GRM8: variants seen among roughly 807,000 people sequenced by gnomAD.
GRM8 encodes glutamate metabotropic receptor 8.
Under a neutral mutation model 87.2 loss-of-function variants are expected in GRM8, and 47 were observed. That is an observed-to-expected ratio of 0.54 (90% CI 0.43 to 0.69). GRM8 has a LOEUF of 0.69. GRM8 is among the 30% of genes least tolerant of loss of function. GRM8 has a pLI of 0.00. For synonymous variants in GRM8, 396 were observed against 404.5 expected (o/e 0.98, Z 0.25); for missense variants, 1,019 against 1,139.2 (o/e 0.89, Z 1.52).
intron 6 of GRM8, chr7:126,869,933 T>TAAAAAAAAAAA (rs71177572): frequency 1.6e-4 from 12 of 77,258 alleles, no homozygotes; most frequent in East Asian, 1.2e-3. Context: ...CCTCATAGAT[T>TAAAAAAAAAAA]AAAAAAAAAA....
chr7:126,609,289 G>T, intron 8 of GRM8, 73 bp downstream of exon 8: 2 of 1,147,202 alleles, frequency 1.7e-6, no homozygotes, highest in Non-Finnish European at 1.2e-6. Flanking sequence ...TCTAGCAAAA[G>T]TTATACACTT....
chr7:126,978,163 G>A (rs1040088941), intron 3 of GRM8, among the ~76,000 whole-genome samples: 14 of 151,892 alleles, frequency 9.2e-5, no homozygotes, highest in Non-Finnish European at 1.6e-4. Context: ...TATTATAGGA[G>A]GGGAGAGGAG....
At chr7:126,535,440 G>A (rs1005893552) in intron 8 of GRM8, among the ~76,000 whole-genome samples, 1 of 152,162 alleles carries the variant, frequency 6.6e-6, no homozygotes. Flanking sequence ...CAAGCTGATG[G>A]TGGTTAGAAG....
intron 7 of GRM8, among the ~76,000 whole-genome samples, chr7:126,669,418 G>GT (rs1806148994): frequency 6.6e-6 from 1 of 151,998 alleles, no homozygotes; most frequent in East Asian, 1.9e-4. Flanking sequence ...TGGATCTGAT[G>GT]TTTTTAAAGG....
intron 6 of GRM8, among the ~76,000 whole-genome samples, chr7:126,804,665 C>CA (rs1200486009): frequency 2.0e-5 from 3 of 152,320 alleles, no homozygotes; most frequent in Middle Eastern, 3.4e-3. Flanking sequence ...GGATGTGCTA[C>CA]AAGCTGAAAA....
chr7:126,556,426 C>T (rs1222071991), intron 8 of GRM8, among the ~76,000 whole-genome samples: 7 of 149,666 alleles, frequency 4.7e-5, no homozygotes, highest in Non-Finnish European at 8.9e-5. Context: ...GTGGGTGGAT[C>T]ACCTGAGGTC....
intron 2 of GRM8, among the ~76,000 whole-genome samples, chr7:127,184,844 C>G (rs1249533669): frequency 3.3e-5 from 5 of 151,874 alleles, no homozygotes; most frequent in Admixed American, 1.3e-4. Context: ...CAAAAATGAC[C>G]AATTTGTATT....
At position 126,533,224 on chromosome 7, in the gene GRM8, G is replaced by A. The variant is rs77499554; in HGVS notation, c.2158C>T (p.His720Tyr). The A allele has an allele frequency of 1.4e-5, 22 of 1,612,298 alleles. No homozygotes were observed. Among genetic ancestry groups the A allele is most frequent in the African/African-American group, 9.4e-5 (7 of 74,670 alleles). The change falls in exon 9 of 11, where the codon CAC becomes TAC. Residue 720 changes from histidine (H) to tyrosine (Y), a missense_variant. Physicochemically the swap from His to Tyr is moderately conservative, Grantham distance 83. Transcript: ENST00000339582. ...TGCTCTCCATAGTCAATGATGATGT[G>A]GGGGGGATCCACAACAAACCAGACA... is the stretch of plus-strand genomic sequence containing the variant. ...VFVWFVVDPP[H>Y]IIIDYGEQRT...
intron 7 of GRM8, among the ~76,000 whole-genome samples, chr7:126,764,989 C>T (rs72607738): frequency 0.31 from 46,391 of 151,854 alleles, 7,839 homozygotes; most frequent in Middle Eastern, 0.44. Context: ...TCACCTTTTT[C>T]TATAGGGAGT....
chr7:127,041,545 C>A (rs17869678), intron 3 of GRM8, among the ~76,000 whole-genome samples: 1 of 152,276 alleles, frequency 6.6e-6, no homozygotes, highest in African/African-American at 2.4e-5. Flanking sequence ...AAGAGGAAGA[C>A]AAATGTACCA....
At chr7:126,820,880 C>T (rs150719000) in intron 6 of GRM8, among the ~76,000 whole-genome samples, 1 of 152,280 alleles carries the variant, frequency 6.6e-6, no homozygotes, top group Admixed American at 6.5e-5. Flanking sequence ...GTGGGCGGAT[C>T]GCTTGAGGCC....
intron 6 of GRM8, among the ~76,000 whole-genome samples, chr7:126,841,453 T>G (rs1796263102): frequency 6.6e-6 from 1 of 152,076 alleles, no homozygotes; most frequent in Non-Finnish European, 1.5e-5. Context: ...CATAGAGTCT[T>G]GGATAGAAGG....
chr7:126,641,519 A>G (rs1802381946), intron 7 of GRM8, among the ~76,000 whole-genome samples: 1 of 152,202 alleles, frequency 6.6e-6, no homozygotes, highest in Non-Finnish European at 1.5e-5. Context: ...AGAAAGAGCA[A>G]GATCATTTCT....
intron 8 of GRM8, among the ~76,000 whole-genome samples, chr7:126,588,375 A>G (rs1409244195): frequency 6.6e-6 from 1 of 152,226 alleles, no homozygotes; most frequent in Non-Finnish European, 1.5e-5. Context: ...TATTTCACCC[A>G]GTGTGAAAAG....
chr7:126,650,555 T>C (rs1803704416), intron 7 of GRM8, among the ~76,000 whole-genome samples: 2 of 152,132 alleles, frequency 1.3e-5, no homozygotes, highest in African/African-American at 2.4e-5. Flanking sequence ...TGTGTGATTA[T>C]ATACTGATTG....
At chr7:126,538,308 A>C (rs974461028) in intron 8 of GRM8, among the ~76,000 whole-genome samples, 1 of 152,164 alleles carries the variant, frequency 6.6e-6, no homozygotes, top group African/African-American at 2.4e-5. Flanking sequence ...ACTCTTTAAA[A>C]AGAATATAAT....
intron 7 of GRM8, among the ~76,000 whole-genome samples, chr7:126,673,681 T>C (rs1490957547): frequency 6.6e-6 from 1 of 152,230 alleles, no homozygotes; most frequent in Non-Finnish European, 1.5e-5. Context: ...TGGTAGATGC[T>C]GAATTTTAAT....
At chr7:127,240,311 C>A (rs2116864010) in intron 2 of GRM8, among the ~76,000 whole-genome samples, 1 of 152,094 alleles carries the variant, frequency 6.6e-6, no homozygotes, top group East Asian at 1.9e-4. Context: ...CCCAAAAAAC[C>A]AAAGGACATG....
At chr7:126,968,527 C>T (rs1810098578) in intron 3 of GRM8, among the ~76,000 whole-genome samples, 1 of 152,078 alleles carries the variant, frequency 6.6e-6, no homozygotes, top group Non-Finnish European at 1.5e-5. Flanking sequence ...TTTAGTATTA[C>T]CTGAGTTCTG....
Sources: allele counts gnomAD v4.1 joint callset (sites outside exome capture counted in the v4.1 genomes callset), GRCh38; gene constraint gnomAD v4.1.1; transcripts MANE v1.5; gene names NCBI Gene and HGNC (gene_info 2026-07-23, HGNC 2026-07-21).